Variants in DGKZ observed in about 807,000 individuals in gnomAD.
The protein encoded by DGKZ is DAG kinase zeta.
DGKZ carries 45 observed loss-of-function variants against 142.5 expected under a neutral mutation model. The ratio of observed to expected loss-of-function variants is 0.32; its 90% CI spans 0.25 to 0.40. DGKZ has a LOEUF of 0.40. Among genes scored for constraint, DGKZ ranks in the 10% least tolerant of loss-of-function variants. The pLI is 1.00. For synonymous variants in DGKZ, 442 were observed against 527.0 expected, an observed-to-expected ratio of 0.84 and a Z score of 2.21; for missense variants, 755 against 1,306.5, an observed-to-expected ratio of 0.58 and a Z score of 6.51.
intron 1 of DGKZ, chr11:46,338,494 TCAAAAAAAAAAAA>T (rs1940120739): frequency 3.4e-5 from 1 of 29,338 alleles, no homozygotes; most frequent in African/African-American, 1.5e-4. Flanking sequence ...AAACTCCATC[TCAAAAAAAAAAAA>T]AAAAAAAAAA....
rs886784925 is a variant in DGKZ at position 46,367,203 on chromosome 11, T to C, written c.162-88T>C. On this transcript the variant is annotated intron_variant, in intron 1 of 30. Transcript: ENST00000527911. The surrounding 1 kb of genome is among the most constrained non-coding windows in gnomAD (Gnocchi z 4.1). ...TCCTCCGCCCTCCCTGTTGCCGAGG[T>C]CACGGAAAGGGCAGAGGCCCCAGGA... 1.3e-4 allele frequency: 174 copies of C among 1,360,104 alleles called. No individual in the cohort carries two copies. Among genetic ancestry groups the C allele is most frequent in the Non-Finnish European group, 1.6e-4 (158 of 974,812 alleles). 84.3% of individuals were successfully genotyped at this position (1,360,104 alleles called of 1,614,324 possible).
At chr11:46,335,847 C>A (rs1939988023) in intron 1 of DGKZ, among the ~76,000 whole-genome samples, 1 of 152,196 alleles carries the variant, frequency 6.6e-6, no homozygotes, top group Non-Finnish European at 1.5e-5. Context: ...CCAACTAAGC[C>A]CTCTCTTGTG....
chr11:46,371,341 G>A (rs1943920236), exon 7 of DGKZ: 1 of 1,613,800 alleles, frequency 6.2e-7, no homozygotes, highest in Admixed American at 1.7e-5. Context: ...ACCTTCCACA[G>A]CAAGGAGATT....
At chr11:46,349,510 T>G (rs774905201) in intron 1 of DGKZ, among the ~76,000 whole-genome samples, 18 of 152,174 alleles carry the variant, frequency 1.2e-4, no homozygotes, top group African/African-American at 3.1e-4. Context: ...GATACCTTTA[T>G]GTAATTCTCT....
In DGKZ at chr11:46,367,325, G is replaced by T; in HGVS notation, c.196G>T (p.Ala66Ser). ...CACCAAGTCGGGCCTCCAGCACCTG[G>T]CCCCCCCTCCGCCCACCCCTGGGGC... The change falls in exon 2 of 31, where the codon GCC (alanine) becomes TCC (serine). Residue 66 changes from alanine to serine, a missense_variant. Coordinates refer to ENST00000527911, the Ensembl canonical transcript of DGKZ. This position sits in a 1 kb window ranked among gnomAD's most constrained non-coding sequence, Gnocchi z 4.1. 1 of 1,612,676 alleles carries T rather than the reference G, an allele frequency of 6.2e-7. No homozygotes were observed. The highest frequency in any genetic ancestry group is 8.5e-7 in the Non-Finnish European group (1 of 1,179,952).
At chr11:46,343,725 C>T (rs1451289786), upstream of DGKZ, among the ~76,000 whole-genome samples, 1 of 152,204 alleles carries the variant, frequency 6.6e-6, no homozygotes, top group African/African-American at 2.4e-5. Flanking sequence ...GGCCTTTTTG[C>T]AATTCTCCAG....
chr11:46,369,440 C>G, intron 4 of DGKZ, 54 bp from the exon 5 acceptor site: 6 of 1,608,008 alleles, frequency 3.7e-6, no homozygotes, highest in Non-Finnish European at 5.1e-6. Context: ...TGACCACATA[C>G]CTGACCCCGA....
At chr11:46,361,258 TG>T (rs1210824005) in intron 1 of DGKZ, among the ~76,000 whole-genome samples, 6 of 152,178 alleles carry the variant, frequency 3.9e-5, no homozygotes, top group Non-Finnish European at 5.9e-5. Context: ...GGGGCATTAG[TG>T]GGGGGCCCCC....
intron 1 of DGKZ, chr11:46,338,495 CAAAAAAAAAA>C (rs11337933): frequency 3.0e-3 from 54 of 18,160 alleles, no homozygotes; most frequent in Non-Finnish European, 8.2e-3. Context: ...AACTCCATCT[CAAAAAAAAAA>C]AAAAAAAAAA....
chr11:46,368,026 T>G, exon 4 of DGKZ: 1 of 1,613,874 alleles, frequency 6.2e-7, no homozygotes, highest in Non-Finnish European at 8.5e-7. Flanking sequence ...TCGAAGAAAG[T>G]GCGCAGCCTG....
At chr11:46,339,401 G>T (rs916213189) in intron 1 of DGKZ, among the ~76,000 whole-genome samples, 57 of 152,366 alleles carry the variant, frequency 3.7e-4, no homozygotes, top group African/African-American at 1.4e-3. Context: ...GAGGAAGCCT[G>T]GGGTCCATCA....
intron 1 of DGKZ, among the ~76,000 whole-genome samples, chr11:46,337,674 A>C (rs750217723): frequency 2.6e-5 from 4 of 152,156 alleles, no homozygotes; most frequent in Non-Finnish European, 5.9e-5. Context: ...CTCCATGCTA[A>C]AAACCTCTCC....
At chr11:46,371,206 A>C in intron 6 of DGKZ, 107 bp from the exon 7 acceptor site, 2 of 1,095,402 alleles carry the variant, frequency 1.8e-6, no homozygotes, top group Non-Finnish European at 2.7e-6. Context: ...AGCCTGGGCA[A>C]CATAGCGAGG....
chr11:46,338,552 A>G (rs1940126156), intron 1 of DGKZ: 1 of 151,764 alleles, frequency 6.6e-6, no homozygotes, highest in Admixed American at 6.6e-5. Context: ...CCCTACAAAA[A>G]CAAGCAGCAG....
intron 1 of DGKZ, among the ~76,000 whole-genome samples, chr11:46,354,415 C>G (rs1226608661): frequency 1.3e-5 from 2 of 152,106 alleles, no homozygotes. Context: ...AGGTTGGTCT[C>G]GAACTCCTGG....
Position 46,367,565 on chromosome 11 carries a change from G to A in DGKZ, c.271-87G>A. ...TCGATCGGGGCGCTGGAGTGGGTTT[G>A]TCTTGGGAGAGGGCGGGTGGGCGGG... On this transcript the variant is annotated intron_variant, in intron 2 of 30. Coordinates refer to ENST00000527911, the Ensembl canonical transcript of DGKZ. The surrounding 1 kb of genome is among the most constrained non-coding windows in gnomAD (Gnocchi z 4.1). 3.8e-6 allele frequency: 5 copies of A among 1,309,614 alleles called. No homozygotes were observed. Among genetic ancestry groups the A allele is most frequent in the Non-Finnish European group, 5.1e-6 (5 of 972,014 alleles). The allele number at this position is 1,309,614 out of a possible 1,614,324, so 81.1% of individuals were successfully genotyped here.
At chr11:46,334,811 G>T (rs2136372433) in intron 1 of DGKZ, among the ~76,000 whole-genome samples, 1 of 152,280 alleles carries the variant, frequency 6.6e-6, no homozygotes, top group South Asian at 2.1e-4. Context: ...AGGAGGAAGT[G>T]CAGAGGGACT....
intron 21 of DGKZ, 28 bp downstream of exon 21, chr11:46,375,979 G>A (rs749836100): frequency 7.6e-5 from 123 of 1,611,508 alleles, no homozygotes; most frequent in Non-Finnish European, 1.0e-4. Flanking sequence ...GCCTGGCAGG[G>A]TGGCCAGGAG....
intron 1 of DGKZ, among the ~76,000 whole-genome samples, chr11:46,350,200 C>G (rs769887078): frequency 3.9e-5 from 6 of 152,194 alleles, no homozygotes; most frequent in Non-Finnish European, 7.3e-5. Flanking sequence ...AAAGCACTTT[C>G]TCCTGGCAGG....
Sources: allele counts gnomAD v4.1 joint callset (sites outside exome capture counted in the v4.1 genomes callset), GRCh38; gene constraint gnomAD v4.1.1; non-coding constraint Gnocchi (gnomAD v3.1); transcripts MANE v1.5; gene names NCBI Gene and HGNC (gene_info 2026-07-23, HGNC 2026-07-21).